The following MPP4 variants were observed in gnomAD, a reference collection of about 807,000 sequenced individuals.
MPP4 encodes the protein MAGUK p55 subfamily member 4.
MPP4 carries 91 observed loss-of-function variants against 98.3 expected under a neutral mutation model. The ratio of observed to expected loss-of-function variants is 0.93; its 90% CI spans 0.78 to 1.10. The LOEUF is 1.10. Ranked by LOEUF, MPP4 falls within the 50% of genes least tolerant of loss-of-function variation. The probability of loss-of-function intolerance (pLI) is 0.00; values close to 1 mark genes in which losing one functional copy is unlikely to be tolerated. For missense variants in MPP4, 744 were observed against 792.9 expected (o/e 0.94, Z 0.74); for synonymous variants, 261 against 271.8 (o/e 0.96, Z 0.39).
intron 16 of MPP4, among the ~76,000 whole-genome samples, chr2:201,657,466 T>C (rs1402715299): frequency 1.3e-5 from 2 of 152,124 alleles, no homozygotes; most frequent in East Asian, 3.8e-4. Flanking sequence ...TGTATGTCTA[T>C]ATATTGAAAA....
intron 9 of MPP4, 80 bp downstream of exon 9, chr2:201,681,416 A>T: frequency 8.6e-7 from 1 of 1,164,844 alleles, no homozygotes; most frequent in Non-Finnish European, 1.3e-6. Context: ...TACAAAGGAT[A>T]GGATTATTAC....
At chr2:201,668,691 T>G (rs1311019587) in intron 12 of MPP4, among the ~76,000 whole-genome samples, 1 of 152,194 alleles carries the variant, frequency 6.6e-6, no homozygotes, top group Non-Finnish European at 1.5e-5. Flanking sequence ...CCACTTAGTC[T>G]GTGGTATCTT....
At chr2:201,682,974 A>T in intron 7 of MPP4, 58 bp from the exon 8 acceptor site, 2 of 1,325,062 alleles carry the variant, frequency 1.5e-6, no homozygotes, top group Non-Finnish European at 2.2e-6. Flanking sequence ...TAAAAATAGC[A>T]GTAGCTACCT....
intron 18 of MPP4, chr2:201,651,820 G>T: frequency 3.2e-6 from 1 of 314,070 alleles, no homozygotes; most frequent in Non-Finnish European, 4.6e-6. Context: ...TAGGCATGGT[G>T]ACGTACACCT....
rs1688651399 is a variant in MPP4 at position 201,681,048 on chromosome 2, C to G, written c.733-14G>C. The G allele has an allele frequency of 2.5e-6, 4 of 1,601,470 alleles. No homozygotes were observed. Among genetic ancestry groups the G allele is most frequent in the African/African-American group, 2.7e-5 (2 of 74,676 alleles). ...ACGGACGTACACCTGATGGCAGGTG[C>G]ATAATGACGCTATCAGAAGGTGCCT... On this transcript the variant is annotated splice_polypyrimidine_tract_variant and intron_variant, in intron 9 of 21. Coordinates refer to ENST00000409474, the MANE Select transcript of MPP4 (RefSeq NM_033066.3).
chr2:201,680,784 C>A, intron 10 of MPP4, 54 bp downstream of exon 10: 1 of 1,510,264 alleles, frequency 6.6e-7, no homozygotes, highest in South Asian at 1.2e-5. Flanking sequence ...CCAAGAAAAA[C>A]ATTTTGTTTC....
chr2:201,693,020 T>C lies in MPP4; in HGVS notation c.89A>G (p.Gln30Arg), dbSNP rs1007542781. 5.0e-6 allele frequency: 8 copies of C among 1,611,988 alleles called. No individual in the cohort carries two copies. Among genetic ancestry groups the C allele is most frequent in the Non-Finnish European group, 5.1e-6 (6 of 1,179,140 alleles). ...CTCTTGCAGCACAAGCCTCAGGATC[T>C]GGGAGAGGCCTAGGAAAGGAAGAGA... ...TATNPQNGLS[Q>R]ILRLVLQELS... Residue 30 changes from glutamine (Q) to arginine (R), a missense_variant, in exon 3 of 22, where the codon CAG becomes CGG. Gln to Arg is a conservative substitution (Grantham distance 43, BLOSUM62 1). Transcript: ENST00000409474.
rs1425765020 is a variant in MPP4 at position 201,654,762 on chromosome 2, T to A, written c.1381+75A>T. 4 of 964,226 alleles carry A rather than the reference T, an allele frequency of 4.1e-6. No homozygotes were observed. The East Asian group carries it at 1.1e-4, about 27-fold the overall frequency. 59.7% of individuals were successfully genotyped at this position (964,226 alleles called of 1,614,324 possible). ...GTATACTTTTACAACAAAGATGGAA[T>A]GACATAGTTAAATGAGATCAGCAAA... On this transcript the variant is annotated intron_variant, in intron 18 of 21. Coordinates refer to ENST00000409474, the MANE Select transcript of MPP4 (RefSeq NM_033066.3).
chr2:201,684,260 G>A (rs1688753661), intron 7 of MPP4, among the ~76,000 whole-genome samples: 1 of 151,782 alleles, frequency 6.6e-6, no homozygotes, highest in Non-Finnish European at 1.5e-5. Flanking sequence ...AGCAGTGAAA[G>A]GATGAAAATC....
At chr2:201,653,732 GT>G (rs756871656) in intron 18 of MPP4, among the ~76,000 whole-genome samples, 4 of 151,502 alleles carry the variant, frequency 2.6e-5, no homozygotes, top group African/African-American at 7.3e-5. Flanking sequence ...GATTTTAAAG[GT>G]TTTTTTTGAA....
Position 201,647,728 on chromosome 2 carries a change from T to C in MPP4, c.1682A>G (p.Lys561Arg). The change falls in exon 21 of 22, where the codon AAG becomes AGG. Residue 561 changes from lysine (K) to arginine (R), a missense_variant. Coordinates refer to ENST00000409474, the MANE Select transcript of MPP4 (RefSeq NM_033066.3). Reference protein sequence around the residue: ...RCMKQSRKNAKVITDYYVDMK... With the variant: ...RCMKQSRKNARVITDYYVDMK... ...GTCCACATAGTAGTCAGTAATAACC[T>C]TGGCATTTTTCCGAGATTGTTTCAT... The C allele has an allele frequency of 6.2e-7, 1 of 1,613,998 alleles. No homozygotes were observed.
chr2:201,683,743 C>T (rs190619905), intron 7 of MPP4, among the ~76,000 whole-genome samples: 2 of 148,356 alleles, frequency 1.3e-5, no homozygotes, highest in East Asian at 3.9e-4. Context: ...CAGAGTGAGA[C>T]TCTGTCTCAA....
chr2:201,679,033 C>A (rs940061036), intron 10 of MPP4, among the ~76,000 whole-genome samples: 9 of 152,072 alleles, frequency 5.9e-5, no homozygotes, highest in Admixed American at 3.9e-4. Flanking sequence ...CTGACAACAG[C>A]AATCTCTCCT....
At chr2:201,659,816 A>C (rs180767060) in intron 15 of MPP4, among the ~76,000 whole-genome samples, 1 of 152,382 alleles carries the variant, frequency 6.6e-6, no homozygotes, top group Admixed American at 6.5e-5. Flanking sequence ...TCTGGGCAAC[A>C]GAGAGAGACT....
chr2:201,654,992 G>T, intron 17 of MPP4, 75 bp from the exon 18 acceptor site: 1 of 950,320 alleles, frequency 1.1e-6, no homozygotes, highest in Non-Finnish European at 1.6e-6. Context: ...TATCATTTTA[G>T]TCCTTCTACT....
intron 10 of MPP4, among the ~76,000 whole-genome samples, chr2:201,679,859 C>T (rs1488406855): frequency 6.6e-6 from 1 of 152,178 alleles, no homozygotes; most frequent in Non-Finnish European, 1.5e-5. Flanking sequence ...CTTCAAATCC[C>T]ACTCTAATGA....
At chr2:201,696,084 C>T (rs1401049242) in intron 1 of MPP4, among the ~76,000 whole-genome samples, 2 of 152,108 alleles carry the variant, frequency 1.3e-5, no homozygotes, top group Non-Finnish European at 2.9e-5. Context: ...AATTCTAAGG[C>T]AGTGAGAAGA....
At chr2:201,647,945 T>A in intron 20 of MPP4, 120 bp from the exon 21 acceptor site, 1 of 986,454 alleles carries the variant, frequency 1.0e-6, no homozygotes, top group South Asian at 1.8e-5. Context: ...AGCCTCAGCT[T>A]CCCAGGCTCA....
intron 1 of MPP4, chr2:201,697,863 T>C: frequency 1.1e-6 from 1 of 946,236 alleles, no homozygotes; most frequent in Non-Finnish European, 1.3e-6. Context: ...TAAAATCGAG[T>C]TTTCCTCTTT....
Sources: gnomAD v4.1 joint callset for allele counts (sites outside exome capture counted in the v4.1 genomes callset) on GRCh38, gnomAD v4.1.1 for gene constraint, MANE v1.5 for transcripts, NCBI Gene and HGNC (gene_info 2026-07-23, HGNC 2026-07-21) for gene names.